MDFIC: variants seen among roughly 807,000 people sequenced by gnomAD.
MDFIC encodes myoD family inhibitor domain-containing protein.
A neutral mutation model predicts 23.2 loss-of-function variants in MDFIC; 17 were observed. The ratio of observed to expected loss-of-function variants is 0.73; its 90% CI spans 0.50 to 1.10. The LOEUF (loss-of-function observed/expected upper bound fraction) is 1.10, where lower values mean the gene tolerates loss of function less well. Among genes scored for constraint, MDFIC ranks in the 50% least tolerant of loss-of-function variants. The probability of loss-of-function intolerance (pLI) is 0.00; values close to 1 mark genes in which losing one functional copy is unlikely to be tolerated. For missense variants in MDFIC, 356 were observed against 316.6 expected, an observed-to-expected ratio of 1.12 and a Z score of -0.95; for synonymous variants, 120 against 115.2, an observed-to-expected ratio of 1.04 and a Z score of -0.27.
chr7:114,986,227 G>T (rs762666009), intron 4 of MDFIC, among the ~76,000 whole-genome samples: 41 of 151,818 alleles, frequency 2.7e-4, no homozygotes, highest in Non-Finnish European at 3.1e-4. Flanking sequence ...TGGTTTCTGA[G>T]GTCTATGACC....
chr7:115,000,579 A>T (rs905581447), intron 4 of MDFIC, among the ~76,000 whole-genome samples: 2 of 152,190 alleles, frequency 1.3e-5, no homozygotes, highest in African/African-American at 4.8e-5. Flanking sequence ...GCATTTCTGT[A>T]TGTAATTTTC....
intron 2 of MDFIC, among the ~76,000 whole-genome samples, chr7:114,925,779 A>T (rs1792179087): frequency 6.6e-6 from 1 of 152,152 alleles, no homozygotes; most frequent in African/African-American, 2.4e-5. Flanking sequence ...TCATCTCTCC[A>T]TTTTTAAGAG....
chr7:114,987,566 G>A (rs997954363), intron 4 of MDFIC, among the ~76,000 whole-genome samples: 1 of 152,142 alleles, frequency 6.6e-6, no homozygotes, highest in Admixed American at 6.6e-5. Flanking sequence ...AATGGTGTGG[G>A]CGAAAGGTTT....
At chr7:114,999,990 A>G (rs141741606) in intron 4 of MDFIC, among the ~76,000 whole-genome samples, 2 of 152,264 alleles carry the variant, frequency 1.3e-5, no homozygotes, top group African/African-American at 2.4e-5. Flanking sequence ...TTAAAATAGT[A>G]TTTATCAGAT....
In MDFIC at chr7:114,922,486, G is replaced by C. The variant is rs1314628665; in HGVS notation, c.-258G>C. 4 of 1,254,114 alleles carry C rather than the reference G, an allele frequency of 3.2e-6. No homozygotes were observed. Among genetic ancestry groups the C allele is most frequent in the Non-Finnish European group, 2.0e-6 (2 of 993,082 alleles). The allele number at this position is 1,254,114 out of a possible 1,614,324, so 77.7% of individuals were successfully genotyped here. The stretch of plus-strand genomic sequence containing the variant: ...TGCGGCGTCTGGGCTGAGCCGGAGG[G>C]AGGCGGGAGGACGCGCAGGGGCGGC... On this transcript the variant is annotated 5_prime_UTR_variant, in exon 1 of 5. Coordinates refer to ENST00000393486, the MANE Select transcript of MDFIC (RefSeq NM_001166345.3).
Position 114,936,706 on chromosome 7 carries a change from T to A in MDFIC, c.95-5569T>A, listed in dbSNP as rs143004350. The stretch of plus-strand genomic sequence containing the variant: ...GGGTGGGATGTGAAACTAGCTGAGC[T>A]GCAGAGGATTTTATCATCCTGTTTC... On this transcript the variant is annotated intron_variant, in intron 2 of 4. Coordinates refer to ENST00000393486, the MANE Select transcript of MDFIC (RefSeq NM_001166345.3). 4.6e-5 allele frequency among the ~76,000 whole-genome samples: 7 copies of A among 152,338 alleles called. No individual in the cohort carries two copies. The East Asian group carries it at 1.3e-3, about 29-fold the overall frequency.
intron 3 of MDFIC, among the ~76,000 whole-genome samples, chr7:114,960,222 A>C (rs2115858371): frequency 6.6e-6 from 1 of 152,342 alleles, no homozygotes; most frequent in Admixed American, 6.5e-5. Context: ...TAAGTCTCAA[A>C]GTCTCTAGAT....
chr7:115,009,177 C>A (rs1300334915), intron 4 of MDFIC, among the ~76,000 whole-genome samples: 1 of 152,206 alleles, frequency 6.6e-6, no homozygotes, highest in African/African-American at 2.4e-5. Flanking sequence ...TACTTTCAAG[C>A]ATCTTATTTC....
intron 2 of MDFIC, among the ~76,000 whole-genome samples, chr7:114,924,342 C>T (rs754048159): frequency 1.3e-5 from 2 of 152,210 alleles, no homozygotes; most frequent in Non-Finnish European, 2.9e-5. Context: ...GCTGTTTATG[C>T]TCACACTTGA....
chr7:114,949,993 G>T (rs1243949520), intron 3 of MDFIC, among the ~76,000 whole-genome samples: 3 of 152,124 alleles, frequency 2.0e-5, no homozygotes, highest in African/African-American at 7.2e-5. Context: ...TGTAATCTGG[G>T]ATGTAAATGT....
At chr7:114,970,579 G>T (rs1421269863) in intron 3 of MDFIC, among the ~76,000 whole-genome samples, 1 of 152,072 alleles carries the variant, frequency 6.6e-6, no homozygotes, top group Non-Finnish European at 1.5e-5. Context: ...TCTGCAAGTG[G>T]TGAGGCTTGA....
intron 3 of MDFIC, among the ~76,000 whole-genome samples, chr7:114,961,374 C>T (rs1256908670): frequency 6.6e-6 from 1 of 152,124 alleles, no homozygotes; most frequent in Non-Finnish European, 1.5e-5. Flanking sequence ...TTGCCATTGT[C>T]ACTAGTAGCA....
intron 4 of MDFIC, among the ~76,000 whole-genome samples, chr7:115,000,186 A>G (rs1338557039): frequency 6.6e-6 from 1 of 152,214 alleles, no homozygotes; most frequent in Admixed American, 6.5e-5. Flanking sequence ...ATGTTTACAT[A>G]TACAAATACT....
At chr7:114,924,376 C>G (rs901844387) in intron 2 of MDFIC, among the ~76,000 whole-genome samples, 11 of 152,160 alleles carry the variant, frequency 7.2e-5, no homozygotes, top group Non-Finnish European at 8.8e-5. Flanking sequence ...ATTGTTAAAC[C>G]AGGCTTATGT....
At chr7:114,929,582 C>A (rs1449913340) in intron 2 of MDFIC, among the ~76,000 whole-genome samples, 3 of 152,138 alleles carry the variant, frequency 2.0e-5, no homozygotes, top group Admixed American at 1.3e-4. Context: ...TTAAGGTAAT[C>A]CATAAGTTTG....
intron 2 of MDFIC, among the ~76,000 whole-genome samples, chr7:114,923,935 A>G (rs1338363424): frequency 6.6e-6 from 1 of 152,238 alleles, no homozygotes; most frequent in Non-Finnish European, 1.5e-5. Flanking sequence ...AAAACCTAGC[A>G]TATACCCCTG....
intron 4 of MDFIC, among the ~76,000 whole-genome samples, chr7:115,001,006 G>A (rs1260957009): frequency 6.6e-6 from 1 of 152,108 alleles, no homozygotes; most frequent in Non-Finnish European, 1.5e-5. Context: ...ACAGGACTCT[G>A]GTAATTTGTA....
intron 4 of MDFIC, among the ~76,000 whole-genome samples, chr7:115,000,227 C>T (rs562080302): frequency 3.9e-5 from 6 of 152,258 alleles, no homozygotes; most frequent in South Asian, 2.1e-4. Context: ...CTACAGTACT[C>T]AGTACAGTAA....
intron 4 of MDFIC, among the ~76,000 whole-genome samples, chr7:115,012,687 G>A (rs910143777): frequency 6.6e-6 from 1 of 152,044 alleles, no homozygotes; most frequent in Non-Finnish European, 1.5e-5. Flanking sequence ...TCCATAAATA[G>A]TAGAATGAGG....
Sources: gnomAD v4.1 joint callset for allele counts (sites outside exome capture counted in the v4.1 genomes callset) on GRCh38, gnomAD v4.1.1 for gene constraint, MANE v1.5 for transcripts, NCBI Gene and HGNC (gene_info 2026-07-23, HGNC 2026-07-21) for gene names.